The following DTWD2 variants were observed in gnomAD, a reference collection of about 807,000 sequenced individuals.
DTWD2 encodes the protein tRNA-uridine aminocarboxypropyltransferase 2.
A neutral mutation model predicts 31.8 loss-of-function variants in DTWD2; 39 were observed. That is an observed-to-expected ratio of 1.22 (90% CI 0.95 to 1.60). DTWD2 has a LOEUF of 1.60. DTWD2 is among the 40% of genes most tolerant of loss of function. DTWD2 has a pLI of 0.00. For synonymous variants in DTWD2, 180 were observed against 142.8 expected (o/e 1.26, Z -1.86); for missense variants, 515 against 381.5 (o/e 1.35, Z -2.92).
chr5:118,852,056 G>C (rs979738401), intron 4 of DTWD2, among the ~76,000 whole-genome samples: 5 of 152,070 alleles, frequency 3.3e-5, no homozygotes, highest in Non-Finnish European at 5.9e-5. Flanking sequence ...TCTTCCTAGA[G>C]TATTAATATC....
intron 4 of DTWD2, among the ~76,000 whole-genome samples, chr5:118,882,754 C>T (rs1752770822): frequency 6.6e-6 from 1 of 152,224 alleles, no homozygotes; most frequent in Non-Finnish European, 1.5e-5. Context: ...GATGGAGCTT[C>T]GGGGCACAGG....
At chr5:118,893,764 T>C (rs1181659705) in intron 4 of DTWD2, among the ~76,000 whole-genome samples, 1 of 148,082 alleles carries the variant, frequency 6.8e-6, no homozygotes, top group Non-Finnish European at 1.5e-5. Context: ...TAAAAATGAA[T>C]GGAGAGGACC....
chr5:118,838,902 G>C lies in DTWD2; in HGVS notation c.*2015C>G, dbSNP rs1036052501. On this transcript the variant is annotated 3_prime_UTR_variant, in exon 6 of 6. Coordinates refer to ENST00000510708, the MANE Select transcript of DTWD2 (RefSeq NM_173666.4). ...TTTTAAAAAATAATAATGATGGCTG[G>C]GCACGGTCCCAGCACTTTTGGAGGC... 3 of 151,964 alleles carry C rather than the reference G, an allele frequency of 2.0e-5. No homozygotes were observed. The highest frequency in any genetic ancestry group is 7.2e-5 in the African/African-American group (3 of 41,384). The allele number at this position is 151,964 out of a possible 1,614,324, so 9.4% of individuals were successfully genotyped here. A position where few individuals can be genotyped will look rare whatever the true frequency, so the allele number is the denominator to read the frequency against.
At chr5:118,983,529 CTT>C (rs150533973) in intron 1 of DTWD2, among the ~76,000 whole-genome samples, 3,904 of 152,048 alleles carry the variant, frequency 0.026, 173 homozygotes, top group African/African-American at 0.088. Flanking sequence ...CTCTCTCTCT[CTT>C]ATGATGTTCC....
chr5:118,930,692 CAT>C (rs1270163353), intron 3 of DTWD2, among the ~76,000 whole-genome samples: 1 of 152,164 alleles, frequency 6.6e-6, no homozygotes, highest in Non-Finnish European at 1.5e-5. Context: ...TTACAACATA[CAT>C]GTTACAACCT....
At chr5:118,969,805 T>G (rs79275684) in intron 1 of DTWD2, among the ~76,000 whole-genome samples, 13,114 of 152,088 alleles carry the variant, frequency 0.086, 1,449 homozygotes, top group East Asian at 0.51. Flanking sequence ...CTCTCCAGCA[T>G]GGGTACAGAA....
chr5:118,849,117 A>T (rs1336451306), intron 4 of DTWD2, among the ~76,000 whole-genome samples: 1 of 152,228 alleles, frequency 6.6e-6, no homozygotes, highest in Non-Finnish European at 1.5e-5. Flanking sequence ...AAATTTTGCA[A>T]TCTGTCCATC....
At chr5:118,869,803 G>A (rs577598129) in intron 4 of DTWD2, among the ~76,000 whole-genome samples, 106 of 151,978 alleles carry the variant, frequency 7.0e-4, no homozygotes, top group African/African-American at 2.2e-3. Context: ...TATCTTATAC[G>A]GCCTGGATGT....
intron 4 of DTWD2, among the ~76,000 whole-genome samples, chr5:118,910,646 C>G (rs1580801130): frequency 1.3e-5 from 2 of 152,316 alleles, no homozygotes; most frequent in South Asian, 4.1e-4. Context: ...AGTTCCGAAC[C>G]TGCCTCCACA....
At chr5:118,932,873 G>C (rs1348162083) in intron 3 of DTWD2, among the ~76,000 whole-genome samples, 1 of 151,868 alleles carries the variant, frequency 6.6e-6, no homozygotes, top group Non-Finnish European at 1.5e-5. Flanking sequence ...GGCAGTCCTA[G>C]CAAACTAATA....
intron 4 of DTWD2, among the ~76,000 whole-genome samples, chr5:118,852,455 G>A (rs906266115): frequency 2.0e-5 from 3 of 152,080 alleles, no homozygotes; most frequent in Non-Finnish European, 4.4e-5. Flanking sequence ...CCTGTGCTGC[G>A]ACTCCAGCTG....
intron 1 of DTWD2, among the ~76,000 whole-genome samples, chr5:118,966,954 C>T (rs1378667038): frequency 6.6e-6 from 1 of 151,244 alleles, no homozygotes; most frequent in Non-Finnish European, 1.5e-5. Context: ...TCTCTTGAAC[C>T]TGGGAGGTAG....
intron 4 of DTWD2, among the ~76,000 whole-genome samples, chr5:118,923,557 A>T (rs1378328762): frequency 1.3e-5 from 2 of 152,218 alleles, no homozygotes; most frequent in Non-Finnish European, 2.9e-5. Context: ...TAACGGAAGA[A>T]TCTTGGGAAA....
At chr5:118,864,915 C>T (rs995490708) in intron 4 of DTWD2, among the ~76,000 whole-genome samples, 7 of 152,194 alleles carry the variant, frequency 4.6e-5, no homozygotes, top group African/African-American at 1.7e-4. Flanking sequence ...TGCGTATTTT[C>T]TCATAAACAC....
At chr5:118,986,054 GAAC>G (rs1204830378) in intron 1 of DTWD2, among the ~76,000 whole-genome samples, 1 of 152,022 alleles carries the variant, frequency 6.6e-6, no homozygotes, top group Non-Finnish European at 1.5e-5. Context: ...AATATTTGTT[GAAC>G]AACTGAATTT....
chr5:118,966,759 G>C (rs1039906748), intron 1 of DTWD2, among the ~76,000 whole-genome samples: 3 of 152,178 alleles, frequency 2.0e-5, no homozygotes, highest in Non-Finnish European at 2.9e-5. Flanking sequence ...GCCAGGCACA[G>C]TGGCTCACAC....
chr5:118,881,101 T>A (rs1510971), intron 4 of DTWD2, among the ~76,000 whole-genome samples: 30,789 of 152,126 alleles, frequency 0.2, 4,085 homozygotes, highest in African/African-American at 0.37. Flanking sequence ...AAAAATACTT[T>A]ATTCCTGCAA....
intron 2 of DTWD2, among the ~76,000 whole-genome samples, chr5:118,940,183 C>A (rs895405652): frequency 1.3e-5 from 2 of 152,158 alleles, no homozygotes; most frequent in African/African-American, 4.8e-5. Context: ...CTTCAATGTC[C>A]TAGCTTCCAT....
chr5:118,884,146 C>T (rs996811506), intron 4 of DTWD2, among the ~76,000 whole-genome samples: 1 of 152,122 alleles, frequency 6.6e-6, no homozygotes, highest in Non-Finnish European at 1.5e-5. Flanking sequence ...AAAATTCTTC[C>T]AGAAGCACTA....
Sources: gnomAD v4.1 joint callset for allele counts (sites outside exome capture counted in the v4.1 genomes callset) on GRCh38, gnomAD v4.1.1 for gene constraint, MANE v1.5 for transcripts, NCBI Gene and HGNC (gene_info 2026-07-23, HGNC 2026-07-21) for gene names.